The following LRRC4C variants were observed in gnomAD, a reference collection of about 807,000 sequenced individuals.
LRRC4C encodes leucine-rich repeat-containing protein 4C.
A neutral mutation model predicts 33.6 loss-of-function variants in LRRC4C; 5 were observed. The observed-to-expected ratio is 0.15, with a 90% confidence interval of 0.08 to 0.31. The LOEUF (loss-of-function observed/expected upper bound fraction) is 0.31, where lower values mean the gene tolerates loss of function less well. Ranked by LOEUF, LRRC4C falls within the 10% of genes least tolerant of loss-of-function variation. The pLI, the probability that LRRC4C is intolerant of heterozygous loss-of-function variation, is 1.00. For missense variants in LRRC4C, 560 were observed against 796.7 expected (o/e 0.70, Z 3.58); for synonymous variants, 329 against 302.0 (o/e 1.09, Z -0.93).
At chr11:40,273,610 AT>A (rs1942871924) in intron 4 of LRRC4C, among the ~76,000 whole-genome samples, 1 of 152,102 alleles carries the variant, frequency 6.6e-6, no homozygotes, top group East Asian at 1.9e-4. Flanking sequence ...GTTCCAGTCT[AT>A]TTTATCATAA....
At chr11:40,426,453 T>C in intron 3 of LRRC4C, among the ~76,000 whole-genome samples, 1 of 152,026 alleles carries the variant, frequency 6.6e-6, no homozygotes, top group East Asian at 1.9e-4. Context: ...GGATGCCCTG[T>C]CCCTAGACAT....
chr11:40,539,961 A>G (rs1591045819), intron 3 of LRRC4C, among the ~76,000 whole-genome samples: 1 of 152,334 alleles, frequency 6.6e-6, no homozygotes, highest in African/African-American at 2.4e-5. Flanking sequence ...GAAGTAACTT[A>G]AAATTGTAAT....
chr11:41,297,961 C>A (rs1245346670), intron 1 of LRRC4C, among the ~76,000 whole-genome samples: 2 of 152,070 alleles, frequency 1.3e-5, no homozygotes, highest in Non-Finnish European at 2.9e-5. Context: ...CCAGAGATAG[C>A]CTTGGGAAAG....
At chr11:41,307,457 T>C (rs1950536561) in intron 1 of LRRC4C, among the ~76,000 whole-genome samples, 1 of 152,164 alleles carries the variant, frequency 6.6e-6, no homozygotes, top group Non-Finnish European at 1.5e-5. Context: ...GGAATTTGAA[T>C]TGAGAAGCTT....
chr11:41,456,567 G>C (rs180978895), intron 1 of LRRC4C, among the ~76,000 whole-genome samples: 3 of 152,210 alleles, frequency 2.0e-5, no homozygotes, highest in Admixed American at 6.5e-5. Flanking sequence ...AGAAGAAACG[G>C]AATGTCCTTT....
At chr11:40,387,380 C>T (rs1254756375) in intron 3 of LRRC4C, among the ~76,000 whole-genome samples, 2 of 151,996 alleles carry the variant, frequency 1.3e-5, no homozygotes, top group African/African-American at 2.4e-5. Flanking sequence ...GACATTTGTC[C>T]CTTTCTTCGG....
chr11:40,301,396 T>C (rs1262739604), intron 4 of LRRC4C, among the ~76,000 whole-genome samples: 1 of 152,236 alleles, frequency 6.6e-6, no homozygotes, highest in African/African-American at 2.4e-5. Flanking sequence ...ATCTTTGCAC[T>C]GGGAAGAAAA....
At chr11:41,383,685 T>A (rs986040035) in intron 1 of LRRC4C, among the ~76,000 whole-genome samples, 9 of 151,628 alleles carry the variant, frequency 5.9e-5, no homozygotes, top group African/African-American at 1.9e-4. Flanking sequence ...AAAACATACA[T>A]AAACATGCAT....
At chr11:41,021,214 A>AGTGTGTGTGTGT (rs540703685) in intron 1 of LRRC4C, among the ~76,000 whole-genome samples, 24 of 133,992 alleles carry the variant, frequency 1.8e-4, no homozygotes, top group African/African-American at 6.3e-4. Context: ...AGAGAGAGAG[A>AGTGTGTGTGTGT]GTGTGTGTGT....
intron 4 of LRRC4C, among the ~76,000 whole-genome samples, chr11:40,308,071 A>G (rs551950480): frequency 3.7e-4 from 56 of 152,360 alleles, no homozygotes; most frequent in African/African-American, 1.3e-3. Context: ...GCAAATCTAC[A>G]TTATTGCTTT....
chr11:41,127,187 A>G (rs939219982), intron 1 of LRRC4C, among the ~76,000 whole-genome samples: 3 of 151,968 alleles, frequency 2.0e-5, no homozygotes, highest in African/African-American at 7.2e-5. Context: ...AAGTTTCTTT[A>G]TAAATCAAAT....
At chr11:40,463,342 G>C (rs1476692242) in intron 3 of LRRC4C, among the ~76,000 whole-genome samples, 2 of 149,648 alleles carry the variant, frequency 1.3e-5, no homozygotes, top group Non-Finnish European at 3.0e-5. Context: ...GTGTGTGTGT[G>C]TGGTTAAAAG....
intron 1 of LRRC4C, among the ~76,000 whole-genome samples, chr11:41,194,775 C>G (rs990325790): frequency 6.6e-6 from 1 of 152,076 alleles, no homozygotes; most frequent in Non-Finnish European, 1.5e-5. Flanking sequence ...TTGTGTGGCA[C>G]TCCTAACCCA....
At chr11:41,083,248 T>A (rs892464554) in intron 1 of LRRC4C, among the ~76,000 whole-genome samples, 3 of 152,036 alleles carry the variant, frequency 2.0e-5, no homozygotes, top group African/African-American at 4.8e-5. Flanking sequence ...ATGTATTTTT[T>A]AAACTTAACT....
chr11:40,607,719 T>G (rs547180793), intron 3 of LRRC4C, among the ~76,000 whole-genome samples: 1 of 152,248 alleles, frequency 6.6e-6, no homozygotes, highest in Non-Finnish European at 1.5e-5. Context: ...GACAAAAACC[T>G]TGGGATGCAG....
At chr11:40,120,184 C>G (rs1030300511) in intron 6 of LRRC4C, among the ~76,000 whole-genome samples, 2 of 152,132 alleles carry the variant, frequency 1.3e-5, no homozygotes, top group Admixed American at 1.3e-4. Flanking sequence ...TTCACTATAG[C>G]TAAATAATAA....
chr11:40,543,886 G>A (rs1375721203), intron 3 of LRRC4C, among the ~76,000 whole-genome samples: 1 of 151,994 alleles, frequency 6.6e-6, no homozygotes, highest in Non-Finnish European at 1.5e-5. Flanking sequence ...GATGTGAGAA[G>A]ATAAATTCCT....
At chr11:40,136,521 C>T (rs1171555164) in intron 6 of LRRC4C, among the ~76,000 whole-genome samples, 1 of 151,778 alleles carries the variant, frequency 6.6e-6, no homozygotes, top group African/African-American at 2.4e-5. Context: ...CGTGACCCGC[C>T]CACCTCGGCC....
chr11:40,509,570 C>T (rs1035405823), intron 3 of LRRC4C, among the ~76,000 whole-genome samples: 4 of 151,566 alleles, frequency 2.6e-5, no homozygotes, highest in Admixed American at 2.0e-4. Flanking sequence ...TGGAACAATG[C>T]GGTATGTTAT....
Sources: allele counts gnomAD v4.1 joint callset (sites outside exome capture counted in the v4.1 genomes callset), GRCh38; gene constraint gnomAD v4.1.1; transcripts MANE v1.5; gene names NCBI Gene and HGNC (gene_info 2026-07-23, HGNC 2026-07-21).